Variants in GRID2 observed in about 807,000 individuals in gnomAD.
The protein encoded by GRID2 is glutamate receptor ionotropic, delta-2.
A neutral mutation model predicts 114.8 loss-of-function variants in GRID2; 33 were observed. The ratio of observed to expected loss-of-function variants is 0.29; its 90% CI spans 0.22 to 0.38. The LOEUF is 0.38. Ranked by LOEUF, GRID2 falls within the 10% of genes least tolerant of loss-of-function variation. The pLI is 1.00. For missense variants in GRID2, 1,184 were observed against 1,257.7 expected, an observed-to-expected ratio of 0.94 and a Z score of 0.89; for synonymous variants, 505 against 449.9, an observed-to-expected ratio of 1.12 and a Z score of -1.55.
chr4:93,715,028 T>A (rs1560936555), intron 14 of GRID2, among the ~76,000 whole-genome samples: 1 of 152,222 alleles, frequency 6.6e-6, no homozygotes, highest in Non-Finnish European at 1.5e-5. Context: ...TGAATGGTAT[T>A]GCCTAGATTT....
At chr4:93,799,289 G>C (rs1336561766) in intron 1 of GRID2, among the ~76,000 whole-genome samples, 1 of 152,114 alleles carries the variant, frequency 6.6e-6, no homozygotes, top group Non-Finnish European at 1.5e-5. Context: ...TCTTTACTGA[G>C]GGCCTACTAT....
At chr4:92,903,014 T>A (rs936102411) in intron 2 of GRID2, among the ~76,000 whole-genome samples, 7 of 152,150 alleles carry the variant, frequency 4.6e-5, no homozygotes, top group Admixed American at 3.3e-4. Flanking sequence ...TTCTTTTTGC[T>A]TAGGATCGCT....
chr4:93,157,928 A>C (rs557516409), intron 4 of GRID2, among the ~76,000 whole-genome samples: 157 of 151,824 alleles, frequency 1.0e-3, no homozygotes, highest in Non-Finnish European at 1.3e-3. Context: ...ACCCAAGCTC[A>C]AACATAAAAT....
intron 2 of GRID2, among the ~76,000 whole-genome samples, chr4:92,748,463 C>T (rs184505139): frequency 1.3e-5 from 2 of 151,986 alleles, no homozygotes; most frequent in East Asian, 1.9e-4. Context: ...GCAACTCTAC[C>T]CTCTTCCTAT....
Position 93,539,396 on chromosome 4 carries a change from C to T in GRID2, c.2193+23985C>T, listed in dbSNP as rs147096238. On this transcript the variant is annotated intron_variant, in intron 13 of 15. Coordinates refer to ENST00000282020, the MANE Select transcript of GRID2 (RefSeq NM_001510.4). ...AATGTATATGTCCTTAGCACTTATT[C>T]AACCTCAAGCTTTTCTCCATTGTCT... is the stretch of plus-strand genomic sequence containing the variant. Among the ~76,000 whole-genome samples, 6 of 152,074 alleles carry T rather than the reference C, an allele frequency of 3.9e-5. No homozygotes were observed. In the East Asian group the frequency reaches 9.7e-4, roughly 25 times the overall value.
At chr4:92,917,973 C>T (rs1401461419) in intron 2 of GRID2, among the ~76,000 whole-genome samples, 1 of 152,110 alleles carries the variant, frequency 6.6e-6, no homozygotes, top group African/African-American at 2.4e-5. Context: ...TTGATTCTTC[C>T]TACCCATGAG....
At chr4:92,891,055 T>C (rs1019943993) in intron 2 of GRID2, among the ~76,000 whole-genome samples, 3 of 152,042 alleles carry the variant, frequency 2.0e-5, no homozygotes, top group Admixed American at 6.6e-5. Context: ...TAAGTGGAAG[T>C]TGAACGATAA....
intron 4 of GRID2, among the ~76,000 whole-genome samples, chr4:93,148,131 G>A (rs930820058): frequency 5.9e-5 from 9 of 152,148 alleles, no homozygotes; most frequent in African/African-American, 1.4e-4. Context: ...ACCAGGCAGC[G>A]TACAAAGTTA....
chr4:93,379,380 G>T lies in GRID2; in HGVS notation c.1246-16227G>T, dbSNP rs201496241. Among the ~76,000 whole-genome samples the T allele has an allele frequency of 9.2e-5, 14 of 152,050 alleles. 1 individual carries two copies. The East Asian group carries it at 2.7e-3, about 29-fold the overall frequency. ...CTTTTGCTCCCTCTGATTTTACTACGTATGTCTCTGACTGTATGTAATCAC... is the reference window on the plus strand; with the variant it reads ...CTTTTGCTCCCTCTGATTTTACTACTTATGTCTCTGACTGTATGTAATCAC... On this transcript the variant is annotated intron_variant, in intron 8 of 15. Transcript: ENST00000282020.
intron 1 of GRID2, among the ~76,000 whole-genome samples, chr4:92,319,473 G>T (rs911786891): frequency 1.3e-5 from 2 of 152,232 alleles, no homozygotes; most frequent in Non-Finnish European, 2.9e-5. Context: ...CTTAGAGGCA[G>T]CAAAGAGGTT....
chr4:93,475,212 TA>T (rs1449833466), intron 11 of GRID2, among the ~76,000 whole-genome samples: 1 of 152,150 alleles, frequency 6.6e-6, no homozygotes, highest in Non-Finnish European at 1.5e-5. Context: ...TAACCATTTT[TA>T]AATCTCTTAT....
At chr4:93,032,821 G>T (rs552854344) in intron 2 of GRID2, among the ~76,000 whole-genome samples, 2 of 152,206 alleles carry the variant, frequency 1.3e-5, no homozygotes, top group South Asian at 4.1e-4. Context: ...AAACAATCAA[G>T]CAATGAAAGT....
At chr4:93,101,098 G>A (rs1226322244) in intron 3 of GRID2, among the ~76,000 whole-genome samples, 1 of 151,964 alleles carries the variant, frequency 6.6e-6, no homozygotes, top group African/African-American at 2.4e-5. Context: ...CACATGGTAA[G>A]CAAAGACTTG....
At chr4:93,219,005 T>C (rs983619666) in intron 6 of GRID2, among the ~76,000 whole-genome samples, 2 of 152,174 alleles carry the variant, frequency 1.3e-5, no homozygotes, top group Admixed American at 1.3e-4. Flanking sequence ...CCTCTTATGA[T>C]ACATGGGAAT....
At chr4:92,675,503 AC>A (rs1053628920) in intron 2 of GRID2, among the ~76,000 whole-genome samples, 61 of 145,582 alleles carry the variant, frequency 4.2e-4, no homozygotes, top group African/African-American at 1.4e-3. Context: ...ACTATTCTTC[AC>A]TATTCTCTTT....
chr4:93,129,367 G>T (rs570437640), intron 4 of GRID2, among the ~76,000 whole-genome samples: 180 of 152,118 alleles, frequency 1.2e-3, no homozygotes, highest in South Asian at 7.5e-3. Context: ...TTGTTTGTTT[G>T]TTTGTTTTTG....
intron 1 of GRID2, among the ~76,000 whole-genome samples, chr4:92,349,757 T>C (rs2110180487): frequency 6.6e-6 from 1 of 151,882 alleles, no homozygotes; most frequent in South Asian, 2.1e-4. Flanking sequence ...TTTGGAATAA[T>C]CTGCAGGGGA....
intron 8 of GRID2, among the ~76,000 whole-genome samples, chr4:93,315,258 G>T (rs1181272248): frequency 6.6e-6 from 1 of 152,042 alleles, no homozygotes; most frequent in East Asian, 1.9e-4. Context: ...TGGATTACAG[G>T]TCCCTCGCTT....
At position 92,807,569 on chromosome 4, in the gene GRID2, T is replaced by C. The variant is rs569028728; in HGVS notation, c.244+217283T>C. Among the ~76,000 whole-genome samples, 16 of 152,010 alleles carry C rather than the reference T, an allele frequency of 1.1e-4. No individual in the cohort carries two copies. In the South Asian group the frequency reaches 2.5e-3, roughly 24 times the overall value. ...TATACACATAATAAAATCTATAATA[T>C]TAAAAAATACAAAAGCACTACCAAA... On this transcript the variant is annotated intron_variant, in intron 2 of 15. Transcript: ENST00000282020.
Sources: allele counts gnomAD v4.1 joint callset (sites outside exome capture counted in the v4.1 genomes callset), GRCh38; gene constraint gnomAD v4.1.1; transcripts MANE v1.5; gene names NCBI Gene and HGNC (gene_info 2026-07-23, HGNC 2026-07-21).